Variants in PCDH11X observed in about 807,000 individuals in gnomAD.
PCDH11X encodes the protein protocadherin-11 X-linked.
Under a neutral mutation model 53.3 loss-of-function variants are expected in PCDH11X, and 18 were observed. The observed-to-expected ratio is 0.34, with a 90% CI of 0.23 to 0.50. PCDH11X has a LOEUF of 0.50. Ranked by LOEUF, PCDH11X falls within the 20% of genes least tolerant of loss-of-function variation. The probability of loss-of-function intolerance (pLI) is 0.98; values close to 1 mark genes in which losing one functional copy is unlikely to be tolerated. For missense variants in PCDH11X, 570 were observed against 1,032.4 expected (o/e 0.55, Z 6.14); for synonymous variants, 279 against 393.3 (o/e 0.71, Z 3.44).
intron 9 of PCDH11X, among the ~76,000 whole-genome samples, chrX:92,456,388 A>T (rs2072908856): frequency 9.0e-6 from 1 of 111,717 alleles, no homozygotes; most frequent in Admixed American, 9.6e-5. Flanking sequence ...AAAGGGAGAG[A>T]TTAATAGGAA....
chrX:92,436,538 A>G (rs1465545767), intron 9 of PCDH11X, among the ~76,000 whole-genome samples: 1 of 111,678 alleles, frequency 9.0e-6, no homozygotes, highest in Non-Finnish European at 1.9e-5. Flanking sequence ...TGTTCACTGC[A>G]GCACTATTCA....
At chrX:91,972,004 G>C (rs1310210481) in intron 6 of PCDH11X, among the ~76,000 whole-genome samples, 1 of 111,361 alleles carries the variant, frequency 9.0e-6, no homozygotes, top group Non-Finnish European at 1.9e-5. Flanking sequence ...TGTGCATCAT[G>C]GTGACTATAG....
rs200815801 is a variant in PCDH11X at position 91,879,244 on chromosome X, G to A, written c.3004G>A (p.Glu1002Lys). The A allele has an allele frequency of 4.6e-5, 56 of 1,209,696 alleles. No individual in the cohort carries two copies. The highest frequency in any genetic ancestry group is 5.9e-5 in the Non-Finnish European group (53 of 895,190). The change falls in exon 6 of 11, where the codon GAG becomes AAG. Residue 1002 changes from glutamate to lysine, a missense_variant. Glu to Lys is a moderately conservative substitution (Grantham distance 56). This residue lies in a region of PCDH11X where 234 missense variants were observed against 296.1 expected (regional missense o/e 0.79). Transcript: ENST00000682573. Reference protein sequence around the residue: ...SDCGYPVTTFEVPVSVHTRPP... With the variant: ...SDCGYPVTTFKVPVSVHTRPP... ...CTGTGGCTATCCAGTGACGACCTTC[G>A]AGGTACCTGTGTCCGTACACACCAG...
chrX:91,814,040 T>C (rs1407992717), intron 4 of PCDH11X, among the ~76,000 whole-genome samples: 1 of 107,263 alleles, frequency 9.3e-6, no homozygotes, highest in South Asian at 4.2e-4. Flanking sequence ...AGTTCACATA[T>C]TTTAGTTGCA....
At chrX:92,357,866 G>A (rs1216433168) in intron 8 of PCDH11X, among the ~76,000 whole-genome samples, 11 of 111,326 alleles carry the variant, frequency 9.9e-5, no homozygotes, top group Non-Finnish European at 1.7e-4. Context: ...TATATTGAAA[G>A]TTAATTTTTT....
At chrX:92,402,810 A>T (rs2071414140) in intron 9 of PCDH11X, among the ~76,000 whole-genome samples, 1 of 111,646 alleles carries the variant, frequency 9.0e-6, no homozygotes, top group African/African-American at 3.3e-5. Context: ...GCACAGCAAA[A>T]TAACTATCAA....
chrX:92,570,167 C>T (rs1216902410), intron 10 of PCDH11X, among the ~76,000 whole-genome samples: 1 of 110,420 alleles, frequency 9.1e-6, no homozygotes, highest in Non-Finnish European at 1.9e-5. Context: ...AATGAACTTA[C>T]ATTCATATAC....
chrX:91,835,392 A>G (rs1937255796), intron 4 of PCDH11X, 69 bp from the exon 5 acceptor site: 1 of 1,205,171 alleles, frequency 8.3e-7, no homozygotes. Context: ...TTTTGTTAAC[A>G]TGCATGTTTA....
intron 6 of PCDH11X, among the ~76,000 whole-genome samples, chrX:91,942,603 C>G (rs996442716): frequency 9.0e-6 from 1 of 110,833 alleles, no homozygotes; most frequent in Non-Finnish European, 1.9e-5. Context: ...GCCCATATGG[C>G]TTCACTTGTC....
Position 92,029,747 on chromosome X carries a change from T to G in PCDH11X, c.3033+150474T>G, listed in dbSNP as rs755639735. On this transcript the variant is annotated intron_variant, in intron 6 of 10. Transcript: ENST00000682573. ...AGGTAGTATAAAATATTTCTAAAAA[T>G]AAAGAGAAGCTTTTTGGATTTTAGA... Among the ~76,000 whole-genome samples, 4 of 111,505 alleles carry G rather than the reference T, an allele frequency of 3.6e-5. No homozygotes were observed. The South Asian group carries it at 1.1e-3, about 31-fold the overall frequency.
chrX:92,562,646 A>G (rs1175181554), intron 10 of PCDH11X, among the ~76,000 whole-genome samples: 1 of 110,102 alleles, frequency 9.1e-6, no homozygotes, highest in Non-Finnish European at 1.9e-5. Context: ...GGCTATTAGA[A>G]GCAGCCAGGC....
intron 10 of PCDH11X, among the ~76,000 whole-genome samples, chrX:92,481,260 C>A (rs2073497543): frequency 9.3e-6 from 1 of 107,262 alleles, no homozygotes; most frequent in Non-Finnish European, 1.9e-5. Flanking sequence ...TGAACTCATG[C>A]TGGCAGCAGT....
intron 6 of PCDH11X, among the ~76,000 whole-genome samples, chrX:91,944,197 T>C (rs1310849479): frequency 1.1e-5 from 1 of 93,549 alleles, no homozygotes; most frequent in Non-Finnish European, 2.1e-5. Flanking sequence ...TGGTAACTTG[T>C]GAAGTGAGTA....
intron 6 of PCDH11X, among the ~76,000 whole-genome samples, chrX:92,076,577 C>A (rs1602838253): frequency 1.8e-5 from 2 of 111,303 alleles, no homozygotes; most frequent in East Asian, 5.7e-4. Flanking sequence ...ATGATTACAC[C>A]AAAAGGGACA....
chrX:92,319,516 G>T (rs1390596921), intron 8 of PCDH11X, among the ~76,000 whole-genome samples: 2 of 111,422 alleles, frequency 1.8e-5, no homozygotes, highest in Non-Finnish European at 3.8e-5. Flanking sequence ...TGCCTTCATT[G>T]TTTCTTTTTT....
chrX:92,311,938 A>G (rs1274512854), intron 8 of PCDH11X, among the ~76,000 whole-genome samples: 1 of 111,916 alleles, frequency 8.9e-6, no homozygotes, highest in Non-Finnish European at 1.9e-5. Context: ...GATAGTTTCT[A>G]TGACTTTTTA....
At chrX:92,028,040 A>G (rs1338798900) in intron 6 of PCDH11X, among the ~76,000 whole-genome samples, 2 of 109,781 alleles carry the variant, frequency 1.8e-5, no homozygotes, top group African/African-American at 6.6e-5. Flanking sequence ...CTTTCTAAAC[A>G]TCTAATCTTA....
intron 9 of PCDH11X, among the ~76,000 whole-genome samples, chrX:92,422,503 A>G (rs924972894): frequency 3.6e-5 from 4 of 110,541 alleles, no homozygotes; most frequent in African/African-American, 1.3e-4. Flanking sequence ...ATTCCTTTTT[A>G]TGGCTGAATA....
chrX:92,017,436 C>T (rs1215510715), intron 6 of PCDH11X, among the ~76,000 whole-genome samples: 2 of 108,120 alleles, frequency 1.8e-5, no homozygotes, highest in Non-Finnish European at 3.8e-5. Flanking sequence ...CGGTGGCTCA[C>T]CCCTGTAATC....
Sources: gnomAD v4.1 joint callset for allele counts (sites outside exome capture counted in the v4.1 genomes callset) on GRCh38, gnomAD v4.1.1 for gene constraint, gnomAD v4.1.1 regional missense constraint, MANE v1.5 for transcripts, NCBI Gene and HGNC (gene_info 2026-07-23, HGNC 2026-07-21) for gene names.